Variants in STRC observed in about 807,000 individuals in gnomAD.
STRC encodes stereocilin.
A neutral mutation model predicts 103.5 loss-of-function variants in STRC; 43 were observed. That is an observed-to-expected ratio of 0.42 (90% CI 0.33 to 0.54). STRC has a LOEUF of 0.54. Among genes scored for constraint, STRC ranks in the 20% least tolerant of loss-of-function variants. The pLI is 0.14. For missense variants in STRC, 499 were observed against 1,088.5 expected, an observed-to-expected ratio of 0.46 and a Z score of 7.62; for synonymous variants, 186 against 442.3, an observed-to-expected ratio of 0.42 and a Z score of 7.27.
At chr15:43,602,521 A>G (rs1224606210) in intron 23 of STRC, 1 of 152,106 alleles carries the variant, frequency 6.6e-6, no homozygotes, top group East Asian at 1.9e-4. Flanking sequence ...AAGCATGGTA[A>G]TCTGGCACTG....
rs2085724151 is a variant in STRC at position 43,608,092 on chromosome 15, A to T, written c.3669T>A (p.Val1223=). 1 of 1,610,042 alleles carries T rather than the reference A, an allele frequency of 6.2e-7. No individual in the cohort carries two copies. Among genetic ancestry groups the T allele is most frequent in the African/African-American group, 1.4e-5 (1 of 72,292 alleles). Residue 1223 remains valine (V), a synonymous_variant, in exon 17 of 29, where the codon GTT becomes GTA. Coordinates refer to ENST00000450892, the MANE Select transcript of STRC (RefSeq NM_153700.2). ...CACCCCCTCTCACCAGGCTCCCTCG[A>T]ACTCTAGTGGGCAGCTGATAGATCA... ...VHMIYQLPTR[V]RGSLRACIWA... is the part of the protein sequence containing the mutation.
At chr15:43,601,281 A>G in intron 24 of STRC, 115 bp downstream of exon 24, 1 of 1,486,050 alleles carries the variant, frequency 6.7e-7, no homozygotes, top group Non-Finnish European at 9.3e-7. Context: ...CAAAAGATAG[A>G]AAGAAGGACC....
intron 15 of STRC, 87 bp from the exon 16 acceptor site, chr15:43,609,421 AC>A: frequency 7.6e-7 from 1 of 1,309,752 alleles, no homozygotes; most frequent in Non-Finnish European, 1.1e-6. Context: ...ACTGCCTTGG[AC>A]CCAGTCCTGC....
rs2260160 is a variant in STRC at position 43,603,445 on chromosome 15, C to T, written c.4376-34G>A. 226,703 of 1,605,710 alleles carry T rather than the reference C, an allele frequency of 0.14. 27,742 individuals are homozygous for T. The highest frequency in any genetic ancestry group is 0.59 in the African/African-American group (43,803 of 74,546). On this transcript the variant is annotated intron_variant, in intron 22 of 28. Transcript: ENST00000450892. ...GGAAGGCAGGGCCAGGAGGTCAGCG[C>T]AGTAATAAAATATGCCCAGAGAGAT...
In STRC at chr15:43,603,149, C is replaced by A. The variant is rs191982419; in HGVS notation, c.4545+93G>T. 5.4e-5 allele frequency: 75 copies of A among 1,380,318 alleles called. 1 individual carries two copies. Among genetic ancestry groups the A allele is most frequent in the Middle Eastern group, 2.4e-4 (1 of 4,118 alleles). The allele number at this position is 1,380,318 out of a possible 1,614,324, so 85.5% of individuals were successfully genotyped here. ...TAACTCTTCTATCTCTTGCTTCCCCCACCTCTCATCCAACTCTCCATTCTC... is the reference window on the plus strand; with the variant it reads ...TAACTCTTCTATCTCTTGCTTCCCCAACCTCTCATCCAACTCTCCATTCTC... On this transcript the variant is annotated intron_variant, in intron 23 of 28. Coordinates refer to ENST00000450892, the MANE Select transcript of STRC (RefSeq NM_153700.2).
In STRC at chr15:43,601,091, C is replaced by G. The variant is rs894023112; in HGVS notation, c.4702-77G>C. ...ATGGACAGGGAAGTGATAGGTGTTA[C>G]TGGGTTATATTCTGTTACTATTAAG... On this transcript the variant is annotated intron_variant, in intron 24 of 28. Transcript: ENST00000450892. 3 of 1,120,716 alleles carry G rather than the reference C, an allele frequency of 2.7e-6. No individual in the cohort carries two copies. In the Admixed American group the frequency reaches 6.0e-5, roughly 22 times the overall value. The allele number at this position is 1,120,716 out of a possible 1,614,324, so 69.4% of individuals were successfully genotyped here.
intron 22 of STRC, 128 bp from the exon 23 acceptor site, chr15:43,603,539 G>A (rs539909292): frequency 1.7e-4 from 173 of 1,018,326 alleles, no homozygotes; most frequent in Non-Finnish European, 2.3e-4. Flanking sequence ...GATCAAAGGA[G>A]TATTACAGAG....
At position 43,604,407 on chromosome 15, in the gene STRC, C is replaced by T. The variant is rs558005208; in HGVS notation, c.4172G>A (p.Arg1391His). Reference protein sequence around the residue: ...WSQDEVEQAGRLVFTLSTEAI... With the variant: ...WSQDEVEQAGHLVFTLSTEAI... ...CTCAGTAGACAGAGTGAATACTAGG[C>T]GTCCAGCTTGCTCTACTTCATCCTG... Residue 1391 changes from arginine (R) to histidine (H), a missense_variant, in exon 21 of 29, where the codon CGC (arginine) becomes CAC (histidine). Arg to His is a conservative substitution (Grantham distance 29). Coordinates refer to ENST00000450892, the MANE Select transcript of STRC (RefSeq NM_153700.2). 1.2e-4 allele frequency: 192 copies of T among 1,587,048 alleles called. No homozygotes were observed. Among genetic ancestry groups the T allele is most frequent in the South Asian group, 1.1e-3 (93 of 88,506 alleles).
At chr15:43,604,870 G>T (rs1223766409) in intron 19 of STRC, 24 bp from the exon 20 acceptor site, 2 of 1,587,928 alleles carry the variant, frequency 1.3e-6, no homozygotes, top group Admixed American at 1.8e-5. Flanking sequence ...TCAGAACTTG[G>T]ACAATGCACT....
At position 43,605,450 on chromosome 15, in the gene STRC, C is replaced by A; in HGVS notation, c.3795-51G>T. ...GGATTCAGGTGGAGCTGGGCCAAGT[C>A]GAGAAGGGACCACAAAACCCCACAG... On this transcript the variant is annotated intron_variant, in intron 18 of 28. Coordinates refer to ENST00000450892, the MANE Select transcript of STRC (RefSeq NM_153700.2). 3 of 1,564,008 alleles carry A rather than the reference C, an allele frequency of 1.9e-6. No individual in the cohort carries two copies. In the South Asian group the frequency reaches 3.5e-5, roughly 18 times the overall value.
chr15:43,600,633 G>T lies in STRC; in HGVS notation c.4894C>A (p.Gln1632Lys), dbSNP rs774483463. Residue 1632 changes from glutamine (Q) to lysine (K), a missense_variant, in exon 26 of 29, where the codon CAA becomes AAA. By Grantham distance (53) the Gln-to-Lys change is moderately conservative (BLOSUM62 1). Transcript: ENST00000450892. ...AGTAGGTGGGCCAGAACCTCCAGTT[G>T]TTCCTCAGAGCACTGGAGATGCAGG... is the stretch of plus-strand genomic sequence containing the variant. ...GTLHLQCSEEQLEVLAHLLVL... is the reference protein window; with the variant it reads ...GTLHLQCSEEKLEVLAHLLVL... 2 of 1,613,674 alleles carry T rather than the reference G, an allele frequency of 1.2e-6. No individual in the cohort carries two copies. The highest frequency in any genetic ancestry group is 1.7e-6 in the Non-Finnish European group (2 of 1,179,880).
intron 24 of STRC, 68 bp from the exon 25 acceptor site, chr15:43,601,082 T>A: frequency 1.7e-6 from 2 of 1,145,202 alleles, no homozygotes; most frequent in South Asian, 2.6e-5. Flanking sequence ...AGGGAAGTGA[T>A]AGGTGTTACT....
At chr15:43,608,299 TC>T in intron 16 of STRC, 96 bp from the exon 17 acceptor site, 1 of 854,286 alleles carries the variant, frequency 1.2e-6, no homozygotes, top group Non-Finnish European at 1.8e-6. Context: ...CAGATGTTCA[TC>T]CACCGTAATT....
At chr15:43,603,803 A>G (rs1359085125) in intron 22 of STRC, among the ~76,000 whole-genome samples, 193 bp downstream of exon 22, 4 of 152,004 alleles carry the variant, frequency 2.6e-5, no homozygotes, top group African/African-American at 7.2e-5. Flanking sequence ...CTGGGCTAAA[A>G]GAAAACTTAA....
Position 43,603,268 on chromosome 15 carries a change from G to A in STRC, c.4519C>T (p.Arg1507Trp), listed in dbSNP as rs747194679. Residue 1507 changes from arginine (R) to tryptophan (W), a missense_variant, in exon 23 of 29, where the codon CGG (arginine) becomes TGG (tryptophan). Arg to Trp is a moderately radical substitution (Grantham distance 101). Coordinates refer to ENST00000450892, the MANE Select transcript of STRC (RefSeq NM_153700.2). ...TGTTTTGCTTTGCCCATGGCTGCCC[G>A]CAGTTCCTCAGGCCCAAGTCCTGGG... is the stretch of plus-strand genomic sequence containing the variant. ...GDPGLGPEEL[R>W]AAMGKAKQLW... 47 of 1,613,524 alleles carry A rather than the reference G, an allele frequency of 2.9e-5. 1 individual carries two copies. The highest frequency in any genetic ancestry group is 8.0e-5 in the African/African-American group (6 of 74,820).
At chr15:43,608,724 GAAAAA>G (rs144553505) in intron 16 of STRC, among the ~76,000 whole-genome samples, 1 of 71,752 alleles carries the variant, frequency 1.4e-5, no homozygotes, top group Non-Finnish European at 2.8e-5. Flanking sequence ...AGACTGTCTC[GAAAAA>G]AAAAAAAAAA....
chr15:43,604,907 A>G, intron 19 of STRC, 61 bp from the exon 20 acceptor site: 3 of 1,562,818 alleles, frequency 1.9e-6, no homozygotes, highest in Non-Finnish European at 1.7e-6. Flanking sequence ...AGACACCTTG[A>G]TCAAGACACC....
At position 43,610,942 on chromosome 15, in the gene STRC, G is replaced by A. The variant is rs143103178; in HGVS notation, c.3349C>T (p.Pro1117Ser). The A allele has an allele frequency of 4.2e-5, 67 of 1,611,632 alleles. No homozygotes were observed. The African/African-American group carries it at 6.3e-4, about 15-fold the overall frequency. The change falls in exon 14 of 29, where the codon CCA (proline) becomes TCA (serine). Residue 1117 changes from proline (P) to serine (S), a missense_variant. Pro to Ser is a moderately conservative substitution (Grantham distance 74). Transcript: ENST00000450892. ...ACCTGACCAGGGATACACACAGCTG[G>A]ACCAGCACCTGTTGTACCCATATTT... is the stretch of plus-strand genomic sequence containing the variant. ...VKNMGTTGAG[P>S]AVCIPGQPIP...
chr15:43,600,586 G>A lies in STRC; in HGVS notation c.4941C>T (p.Gly1647=). Residue 1647 remains glycine, a synonymous_variant, in exon 26 of 29, where the codon GGC becomes GGT. Transcript: ENST00000450892. ...AHLLVLPGGF[G]PISNWGPEIF... ...TCTCAGGCCCCCAGTTACTGATTGG[G>A]CCAAACCCACCAGGCAGTACAAGTA... 2 of 1,613,310 alleles carry A rather than the reference G, an allele frequency of 1.2e-6. No homozygotes were observed. The highest frequency in any genetic ancestry group is 2.2e-5 in the East Asian group (1 of 44,830).
Sources: allele counts gnomAD v4.1 joint callset (sites outside exome capture counted in the v4.1 genomes callset), GRCh38; gene constraint gnomAD v4.1.1; transcripts MANE v1.5; gene names NCBI Gene and HGNC (gene_info 2026-07-23, HGNC 2026-07-21).